The following COL21A1 variants were observed in gnomAD, a reference collection of about 807,000 sequenced individuals.
The protein encoded by COL21A1 is collagen alpha-1(XXI) chain.
Under a neutral mutation model 137.9 loss-of-function variants are expected in COL21A1, and 149 were observed. That is an observed-to-expected ratio of 1.08 (90% CI 0.95 to 1.24). The LOEUF (loss-of-function observed/expected upper bound fraction) is 1.24. Ranked by LOEUF, COL21A1 falls within the 50% of genes most tolerant of loss-of-function variation. The probability of loss-of-function intolerance (pLI) is 0.00; values close to 1 mark genes in which losing one functional copy is unlikely to be tolerated. For missense variants in COL21A1, 1,167 were observed against 1,158.4 expected (o/e 1.01, Z -0.11); for synonymous variants, 456 against 391.5 (o/e 1.16, Z -1.95).
intron 1 of COL21A1, among the ~76,000 whole-genome samples, chr6:56,220,816 A>G (rs186511478): frequency 1.5e-3 from 224 of 152,250 alleles, no homozygotes; most frequent in African/African-American, 4.6e-3. Flanking sequence ...ATCCTACAAG[A>G]CTTTGAAGTA....
chr6:56,357,702 A>T (rs1765866426), intron 1 of COL21A1, among the ~76,000 whole-genome samples: 1 of 152,176 alleles, frequency 6.6e-6, no homozygotes, highest in Non-Finnish European at 1.5e-5. Context: ...ACAGAAAACA[A>T]TAACAAAGTT....
At chr6:56,194,575 G>GA (rs997236923) in intron 1 of COL21A1, among the ~76,000 whole-genome samples, 3 of 151,872 alleles carry the variant, frequency 2.0e-5, no homozygotes, top group East Asian at 1.9e-4. Flanking sequence ...TGGTAAATAA[G>GA]AAAAAAAGTC....
intron 16 of COL21A1, among the ~76,000 whole-genome samples, chr6:56,121,562 A>G (rs573762546): frequency 4.9e-3 from 501 of 103,264 alleles, no homozygotes; most frequent in Middle Eastern, 0.012. Flanking sequence ...GTATATGTGT[A>G]TATATATATA....
intron 1 of COL21A1, among the ~76,000 whole-genome samples, chr6:56,277,067 G>A (rs12176518): frequency 0.23 from 35,180 of 151,628 alleles, 4,473 homozygotes; most frequent in Non-Finnish European, 0.29. Flanking sequence ...TGATCCGCCC[G>A]CCTCGACCTC....
At position 56,168,315 on chromosome 6, in the gene COL21A1, G is replaced by A. The variant is rs764880882; in HGVS notation, c.1027-18C>T. ...AACAACGTCTACAAAAAGAAAGTGTGGAAGATTCATAAATAAAGCCCCTAA... is the reference window on the plus strand; with the variant it reads ...AACAACGTCTACAAAAAGAAAGTGTAGAAGATTCATAAATAAAGCCCCTAA... On this transcript the variant is annotated intron_variant, in intron 5 of 29. Coordinates refer to ENST00000244728, the MANE Select transcript of COL21A1 (RefSeq NM_030820.4). 1.3e-6 allele frequency: 2 copies of A among 1,508,668 alleles called. No homozygotes were observed. Among genetic ancestry groups the A allele is most frequent in the Non-Finnish European group, 1.8e-6 (2 of 1,120,224 alleles). The allele number at this position is 1,508,668 out of a possible 1,614,324, so 93.5% of individuals were successfully genotyped here.
At chr6:56,153,845 G>A (rs1775517653) in intron 10 of COL21A1, among the ~76,000 whole-genome samples, 1 of 152,098 alleles carries the variant, frequency 6.6e-6, no homozygotes, top group Non-Finnish European at 1.5e-5. Context: ...ACCTGTAAGA[G>A]AGCCCTGTGG....
chr6:56,302,306 T>A (rs1012416391), intron 1 of COL21A1, among the ~76,000 whole-genome samples: 1 of 152,190 alleles, frequency 6.6e-6, no homozygotes, highest in Non-Finnish European at 1.5e-5. Flanking sequence ...ATCACCACAC[T>A]GACTTCCACA....
chr6:56,156,961 G>A lies in COL21A1; in HGVS notation c.1372-12C>T, dbSNP rs770463296. 2.9e-5 allele frequency: 46 copies of A among 1,605,684 alleles called. No individual in the cohort carries two copies. The South Asian group carries it at 4.8e-4, about 17-fold the overall frequency. ...AGTCCAGGGTCACCCTAAGCAGGAA[G>A]CAAACAAACTTTTGAGTACAAAACA... On this transcript the variant is annotated splice_polypyrimidine_tract_variant and intron_variant, in intron 9 of 29. Coordinates refer to ENST00000244728, the MANE Select transcript of COL21A1 (RefSeq NM_030820.4).
intron 1 of COL21A1, among the ~76,000 whole-genome samples, chr6:56,214,116 T>A (rs574266705): frequency 1.3e-5 from 2 of 152,216 alleles, no homozygotes; most frequent in African/African-American, 4.8e-5. Flanking sequence ...GTTTTCTTTT[T>A]CTTGGAGCAG....
At chr6:56,098,574 TAA>T (rs1582342831) in intron 17 of COL21A1, among the ~76,000 whole-genome samples, 2 of 24,766 alleles carry the variant, frequency 8.1e-5, no homozygotes, top group South Asian at 1.3e-3. Context: ...TAAATATATA[TAA>T]ATATATATAA....
intron 1 of COL21A1, among the ~76,000 whole-genome samples, chr6:56,212,818 A>C (rs1780255315): frequency 6.6e-6 from 1 of 152,066 alleles, no homozygotes; most frequent in Admixed American, 6.6e-5. Context: ...ATGTTTATAT[A>C]ATAGTTTATT....
intron 1 of COL21A1, among the ~76,000 whole-genome samples, chr6:56,375,993 T>A (rs1364066845): frequency 6.6e-6 from 1 of 152,160 alleles, no homozygotes; most frequent in African/African-American, 2.4e-5. Flanking sequence ...TTTGGTTGTT[T>A]AGGAAACAAC....
intron 1 of COL21A1, among the ~76,000 whole-genome samples, chr6:56,296,981 G>T (rs1392962178): frequency 6.6e-6 from 1 of 151,990 alleles, no homozygotes; most frequent in Non-Finnish European, 1.5e-5. Flanking sequence ...TCCATGAGCT[G>T]TCTGAAGGCC....
chr6:56,062,450 C>T (rs556244828), intron 24 of COL21A1, among the ~76,000 whole-genome samples: 1 of 152,220 alleles, frequency 6.6e-6, no homozygotes, highest in East Asian at 1.9e-4. Flanking sequence ...ATTCATTGTA[C>T]ACCTGGGCTC....
intron 12 of COL21A1, among the ~76,000 whole-genome samples, chr6:56,133,737 G>A (rs62413468): frequency 3.3e-4 from 50 of 152,222 alleles, no homozygotes; most frequent in South Asian, 2.1e-3. Context: ...GGTACCCTAC[G>A]TTCTAGCCAC....
rs777045553 is a variant in COL21A1, at chr6:56,185,426, C to CTTTTTTTTTTTT, written c.-38-2782_-38-2771dup. On this transcript the variant is annotated intron_variant, in intron 1 of 29. Transcript: ENST00000244728. ...TAAGTGGACAGGCGAAATGAACAGTCTTTTTTTTTTTTTTTTTTTTGAGAC... is the reference window on the plus strand; with the variant it reads ...TAAGTGGACAGGCGAAATGAACAGTCTTTTTTTTTTTTTTTTTTTTTTTTTTTTTTTTGAGAC... Among the ~76,000 whole-genome samples, 9 of 100,160 alleles carry CTTTTTTTTTTTT rather than the reference C, an allele frequency of 9.0e-5. 1 individual carries two copies. The highest frequency in any genetic ancestry group is 3.8e-4 in the East Asian group (1 of 2,644). 65.7% of individuals were successfully genotyped at this position (100,160 alleles called of 152,430 possible). A position where few individuals can be genotyped will look rare whatever the true frequency, so the allele number is the denominator to read the frequency against.
Position 56,104,708 on chromosome 6 carries a change from T to C in COL21A1, c.1759-3183A>G, listed in dbSNP as rs781499037. On this transcript the variant is annotated intron_variant, in intron 16 of 29. Coordinates refer to ENST00000244728, the MANE Select transcript of COL21A1 (RefSeq NM_030820.4). ...AAAATGTCATGCTTAACATTATTTCTCAATCTAATTTCTACAGCTAACGTC... is the reference window on the plus strand; with the variant it reads ...AAAATGTCATGCTTAACATTATTTCCCAATCTAATTTCTACAGCTAACGTC... 3.3e-5 allele frequency among the ~76,000 whole-genome samples: 5 copies of C among 152,196 alleles called. No individual in the cohort carries two copies. The South Asian group carries it at 1.0e-3, about 31-fold the overall frequency.
intron 1 of COL21A1, chr6:56,276,807 G>GGT (rs1554174888): frequency 1.5e-5 from 14 of 908,936 alleles, no homozygotes; most frequent in Admixed American, 4.4e-5. Flanking sequence ...TGTTTTTTTT[G>GGT]TTTTTTTTGT....
intron 1 of COL21A1, among the ~76,000 whole-genome samples, chr6:56,382,877 A>G (rs1461205977): frequency 6.6e-6 from 1 of 152,166 alleles, no homozygotes; most frequent in Non-Finnish European, 1.5e-5. Flanking sequence ...TCCTTAGACC[A>G]GAGGCTCTGG....
Sources: gnomAD v4.1 joint callset for allele counts (sites outside exome capture counted in the v4.1 genomes callset) on GRCh38, gnomAD v4.1.1 for gene constraint, MANE v1.5 for transcripts, NCBI Gene and HGNC (gene_info 2026-07-23, HGNC 2026-07-21) for gene names.